Variants in ARHGAP10 observed in about 807,000 individuals in gnomAD.
The protein encoded by ARHGAP10 is rho GTPase-activating protein 10.
ARHGAP10 carries 87 observed loss-of-function variants against 108.6 expected under a neutral mutation model. That is an observed-to-expected ratio of 0.80 (90% CI 0.67 to 0.96). The LOEUF (loss-of-function observed/expected upper bound fraction) is 0.96, where lower values mean the gene tolerates loss of function less well. Ranked by LOEUF, ARHGAP10 falls within the 40% of genes least tolerant of loss-of-function variation. The pLI, the probability that ARHGAP10 is intolerant of heterozygous loss-of-function variation, is 0.00. For missense variants in ARHGAP10, 939 were observed against 954.5 expected (o/e 0.98, Z 0.21); for synonymous variants, 347 against 341.1 (o/e 1.02, Z -0.19).
chr4:147,986,644 G>T (rs1413708938), intron 18 of ARHGAP10, among the ~76,000 whole-genome samples: 6 of 152,052 alleles, frequency 3.9e-5, no homozygotes, highest in Non-Finnish European at 8.8e-5. Flanking sequence ...GGCCTCTCTG[G>T]TTACCATCTT....
chr4:147,744,496 G>C (rs1218334796), intron 1 of ARHGAP10, among the ~76,000 whole-genome samples: 1 of 152,154 alleles, frequency 6.6e-6, no homozygotes, highest in African/African-American at 2.4e-5. Flanking sequence ...TTGAATTGTT[G>C]TAGAAAGCTT....
chr4:148,070,098 CATGTT>C (rs1730097888), intron 22 of ARHGAP10, among the ~76,000 whole-genome samples: 1 of 152,208 alleles, frequency 6.6e-6, no homozygotes, highest in African/African-American at 2.4e-5. Context: ...TGCTGGGTCT[CATGTT>C]ATATGTGTTA....
chr4:147,989,388 G>A (rs912883740), intron 18 of ARHGAP10, among the ~76,000 whole-genome samples: 1 of 152,224 alleles, frequency 6.6e-6, no homozygotes, highest in Non-Finnish European at 1.5e-5. Context: ...CAACCGGTCT[G>A]ACCAAAATTT....
chr4:147,780,056 A>G (rs1730466177), intron 1 of ARHGAP10, among the ~76,000 whole-genome samples: 1 of 152,242 alleles, frequency 6.6e-6, no homozygotes, highest in Admixed American at 6.5e-5. Flanking sequence ...TTATCTGAAC[A>G]TTATGAACAC....
intron 3 of ARHGAP10, among the ~76,000 whole-genome samples, chr4:147,830,056 A>G (rs1732888229): frequency 6.6e-6 from 1 of 152,092 alleles, no homozygotes. Context: ...TGCTAAGGAG[A>G]TGTGAGGAAG....
chr4:147,805,890 T>G (rs1461997939), intron 1 of ARHGAP10, among the ~76,000 whole-genome samples: 1 of 152,186 alleles, frequency 6.6e-6, no homozygotes, highest in East Asian at 1.9e-4. Flanking sequence ...CCTATGAAAC[T>G]TTATGCTAAC....
intron 3 of ARHGAP10, among the ~76,000 whole-genome samples, chr4:147,831,694 C>G (rs1279654232): frequency 1.3e-5 from 2 of 152,158 alleles, no homozygotes; most frequent in Non-Finnish European, 2.9e-5. Context: ...TTCTCTTTTT[C>G]CCGTAAGCCT....
chr4:147,927,712 A>C (rs957468242), intron 13 of ARHGAP10, among the ~76,000 whole-genome samples: 4 of 152,168 alleles, frequency 2.6e-5, no homozygotes, highest in African/African-American at 9.7e-5. Flanking sequence ...TGAGAGGAAG[A>C]GTTGGTGGAC....
intron 1 of ARHGAP10, among the ~76,000 whole-genome samples, chr4:147,793,301 C>T (rs1304019982): frequency 2.2e-5 from 3 of 133,670 alleles, no homozygotes; most frequent in African/African-American, 8.3e-5. Context: ...AAATATAACA[C>T]ACACATATAT....
intron 19 of ARHGAP10, among the ~76,000 whole-genome samples, chr4:148,034,348 G>T (rs943469966): frequency 1.3e-5 from 2 of 151,916 alleles, no homozygotes; most frequent in African/African-American, 4.8e-5. Flanking sequence ...AGACCATTTC[G>T]CTCTTGTTGC....
intron 16 of ARHGAP10, among the ~76,000 whole-genome samples, chr4:147,961,257 C>A (rs1313834111): frequency 6.6e-6 from 1 of 152,112 alleles, no homozygotes; most frequent in African/African-American, 2.4e-5. Context: ...GTGAGTATTA[C>A]TCTTTCATTG....
intron 5 of ARHGAP10, among the ~76,000 whole-genome samples, chr4:147,859,815 A>T (rs1321124319): frequency 6.6e-6 from 1 of 152,198 alleles, no homozygotes; most frequent in Non-Finnish European, 1.5e-5. Context: ...AAGGATAATT[A>T]ACCTCTAGAA....
At chr4:147,795,455 C>T (rs1579055362) in intron 1 of ARHGAP10, among the ~76,000 whole-genome samples, 1 of 152,108 alleles carries the variant, frequency 6.6e-6, no homozygotes, top group East Asian at 1.9e-4. Flanking sequence ...TGCTCTTTGG[C>T]CTGCTAATGA....
intron 1 of ARHGAP10, among the ~76,000 whole-genome samples, chr4:147,812,388 A>G (rs997802943): frequency 3.3e-5 from 5 of 152,074 alleles, no homozygotes; most frequent in African/African-American, 1.2e-4. Flanking sequence ...TCTGGGGTCT[A>G]GCTTGACCTT....
intron 7 of ARHGAP10, among the ~76,000 whole-genome samples, chr4:147,871,585 A>T (rs919938788): frequency 6.6e-6 from 1 of 152,236 alleles, no homozygotes; most frequent in African/African-American, 2.4e-5. Context: ...TATTGGAAAG[A>T]TAGCATTAGA....
intron 13 of ARHGAP10, among the ~76,000 whole-genome samples, chr4:147,938,041 C>T (rs778072767): frequency 1.3e-5 from 2 of 152,122 alleles, no homozygotes; most frequent in Non-Finnish European, 2.9e-5. Flanking sequence ...TAAAAAGGAA[C>T]GAGGATCATG....
rs556001453 is a variant in ARHGAP10 at position 147,894,300 on chromosome 4, A to G, written c.1035-12338A>G. 3.2e-4 allele frequency among the ~76,000 whole-genome samples: 48 copies of G among 152,228 alleles called. No individual in the cohort carries two copies. In the South Asian group the frequency reaches 9.9e-3, roughly 32 times the overall value. ...ATGTTACTCTTTTTCATTTTAGCCA[A>G]TTTTGACTAGAGATGTTGAGCACTT... is the stretch of plus-strand genomic sequence containing the variant. On this transcript the variant is annotated intron_variant, in intron 10 of 22. Coordinates refer to ENST00000336498, the MANE Select transcript of ARHGAP10 (RefSeq NM_024605.4).
chr4:147,981,304 T>C (rs1216477487), intron 18 of ARHGAP10, among the ~76,000 whole-genome samples: 4 of 152,350 alleles, frequency 2.6e-5, no homozygotes, highest in African/African-American at 9.6e-5. Context: ...GCATTAATTT[T>C]GTGGTTTACC....
chr4:147,889,951 C>T (rs1735728356), intron 10 of ARHGAP10, among the ~76,000 whole-genome samples: 1 of 152,210 alleles, frequency 6.6e-6, no homozygotes, highest in Admixed American at 6.5e-5. Context: ...TGCCAGATCA[C>T]AGCTGATATA....
Sources: gnomAD v4.1 joint callset for allele counts (sites outside exome capture counted in the v4.1 genomes callset) on GRCh38, gnomAD v4.1.1 for gene constraint, MANE v1.5 for transcripts, NCBI Gene and HGNC (gene_info 2026-07-23, HGNC 2026-07-21) for gene names.